SNX29: variants seen among roughly 807,000 people sequenced by gnomAD.
The protein encoded by SNX29 is sorting nexin-29.
In SNX29, 78 loss-of-function variants were observed where a neutral mutation model predicts 102.1. The observed-to-expected ratio is 0.76, with a 90% CI of 0.64 to 0.92. The LOEUF is 0.92. Ranked by LOEUF, SNX29 falls within the 40% of genes least tolerant of loss-of-function variation. SNX29 has a pLI of 0.00. For synonymous variants in SNX29, 580 were observed against 414.5 expected, an observed-to-expected ratio of 1.40 and a Z score of -4.85; for missense variants, 1,280 against 1,061.7, an observed-to-expected ratio of 1.21 and a Z score of -2.86.
chr16:12,287,309 A>G (rs2079631291), intron 15 of SNX29, among the ~76,000 whole-genome samples: 1 of 151,178 alleles, frequency 6.6e-6, no homozygotes, highest in South Asian at 2.1e-4. Context: ...TTACAAACAG[A>G]CTCCTTCCCT....
chr16:12,285,483 T>G (rs975525301), intron 15 of SNX29, among the ~76,000 whole-genome samples: 1 of 152,240 alleles, frequency 6.6e-6, no homozygotes, highest in Admixed American at 6.5e-5. Flanking sequence ...TTAGCAACAT[T>G]TGTTCTCATT....
intron 11 of SNX29, among the ~76,000 whole-genome samples, chr16:12,118,911 C>G (rs1260197930): frequency 6.6e-6 from 1 of 152,180 alleles, no homozygotes; most frequent in Admixed American, 6.5e-5. Flanking sequence ...TCCAACTCTA[C>G]ACTTCTGACA....
intron 16 of SNX29, among the ~76,000 whole-genome samples, chr16:12,357,612 AT>A (rs2082174493): frequency 6.6e-6 from 1 of 152,168 alleles, no homozygotes; most frequent in African/African-American, 2.4e-5. Flanking sequence ...ACGTTCACAC[AT>A]TTTGAGGCCA....
At chr16:12,385,827 A>C (rs1046723334) in intron 16 of SNX29, among the ~76,000 whole-genome samples, 1 of 152,204 alleles carries the variant, frequency 6.6e-6, no homozygotes, top group Admixed American at 6.5e-5. Context: ...GAAAGAATTT[A>C]TTGTTGGAAA....
chr16:12,549,700 G>A (rs1314474278), intron 20 of SNX29, among the ~76,000 whole-genome samples: 1 of 152,214 alleles, frequency 6.6e-6, no homozygotes, highest in Non-Finnish European at 1.5e-5. Context: ...CGCAGATGCT[G>A]CTTGGGGCCA....
chr16:12,531,737 G>A (rs1481272244), intron 20 of SNX29, among the ~76,000 whole-genome samples: 2 of 152,194 alleles, frequency 1.3e-5, no homozygotes, highest in Non-Finnish European at 2.9e-5. Context: ...CAGATGAGAT[G>A]AAAAGGAAGC....
intron 20 of SNX29, among the ~76,000 whole-genome samples, chr16:12,567,231 C>G (rs2079048887): frequency 6.6e-6 from 1 of 152,084 alleles, no homozygotes; most frequent in African/African-American, 2.4e-5. Flanking sequence ...TAAGGCAGAG[C>G]TAGCTGTGGA....
intron 8 of SNX29, among the ~76,000 whole-genome samples, chr16:12,058,329 C>T (rs144490839): frequency 8.6e-4 from 131 of 151,964 alleles, no homozygotes; most frequent in African/African-American, 3.1e-3. Context: ...TTTCAAATAA[C>T]GTGTGTTAAT....
chr16:12,089,127 A>G (rs1048812353), intron 11 of SNX29, among the ~76,000 whole-genome samples: 1 of 88,630 alleles, frequency 1.1e-5, no homozygotes, highest in Non-Finnish European at 2.4e-5. Context: ...AGAGAGAGAA[A>G]AGAGAGAGAG....
At chr16:12,518,113 G>C (rs1259295490) in intron 19 of SNX29, among the ~76,000 whole-genome samples, 1 of 152,216 alleles carries the variant, frequency 6.6e-6, no homozygotes, top group Non-Finnish European at 1.5e-5. Context: ...GAGGTGGACA[G>C]AGTTCATGGG....
intron 16 of SNX29, among the ~76,000 whole-genome samples, chr16:12,388,048 A>T (rs1233737030): frequency 6.6e-6 from 1 of 152,250 alleles, no homozygotes; most frequent in East Asian, 1.9e-4. Context: ...CAAATGGCCC[A>T]GTCATACACA....
chr16:12,391,176 G>C (rs1298003716), intron 16 of SNX29, among the ~76,000 whole-genome samples: 1 of 152,054 alleles, frequency 6.6e-6, no homozygotes, highest in East Asian at 1.9e-4. Context: ...AGACTCCTGG[G>C]CCCAAGCGAT....
intron 20 of SNX29, among the ~76,000 whole-genome samples, chr16:12,560,094 C>T (rs949737784): frequency 2.0e-5 from 3 of 151,844 alleles, no homozygotes; most frequent in Non-Finnish European, 4.4e-5. Context: ...TGGTTATCCA[C>T]AAAGGATGAG....
intron 16 of SNX29, among the ~76,000 whole-genome samples, chr16:12,373,304 A>T (rs890794286): frequency 6.6e-6 from 1 of 151,980 alleles, no homozygotes; most frequent in African/African-American, 2.4e-5. Flanking sequence ...GGCTAACTCA[A>T]ATTTTTATAG....
chr16:12,069,042 GCT>G lies in SNX29; in HGVS notation c.1244-8_1244-7del, dbSNP rs1444328891. 1.9e-6 allele frequency: 3 copies of G among 1,611,920 alleles called. No individual in the cohort carries two copies. Among genetic ancestry groups the G allele is most frequent in the African/African-American group, 2.7e-5 (2 of 74,836 alleles). On this transcript the variant is annotated splice_polypyrimidine_tract_variant and intron_variant, in intron 9 of 20. Coordinates refer to ENST00000566228, the MANE Select transcript of SNX29 (RefSeq NM_032167.5). Reference sequence around the variant, plus strand: ...AGAAAAGTGACCTCTTTCTGTGATTGCTCTCTCTGCACAGATGCCCCCCTCGG... The same window carrying G: ...AGAAAAGTGACCTCTTTCTGTGATTGCTCTCTGCACAGATGCCCCCCTCGG...
At chr16:12,539,187 CAT>C (rs2077212688) in intron 20 of SNX29, among the ~76,000 whole-genome samples, 1 of 152,192 alleles carries the variant, frequency 6.6e-6, no homozygotes, top group Non-Finnish European at 1.5e-5. Flanking sequence ...TAAACACATG[CAT>C]AGATTTGAGT....
At chr16:12,266,686 G>GAAAAAAAAAAAA (rs59509183) in intron 14 of SNX29, among the ~76,000 whole-genome samples, 1 of 130,956 alleles carries the variant, frequency 7.6e-6, no homozygotes. Context: ...ATCTATTATT[G>GAAAAAAAAAAAA]AAAAAAAAAA....
chr16:12,399,996 AGGCT>A (rs1597238957), intron 17 of SNX29, among the ~76,000 whole-genome samples: 1 of 152,162 alleles, frequency 6.6e-6, no homozygotes, highest in Non-Finnish European at 1.5e-5. Context: ...GTCCTGCTGC[AGGCT>A]GGTGTCCGGG....
chr16:12,013,602 AAT>A (rs1248237214), intron 3 of SNX29, among the ~76,000 whole-genome samples: 1 of 141,988 alleles, frequency 7.0e-6, no homozygotes, highest in African/African-American at 2.6e-5. Flanking sequence ...AATGAAAAGA[AAT>A]ATATATTGGT....
Sources: gnomAD v4.1 joint callset for allele counts (sites outside exome capture counted in the v4.1 genomes callset) on GRCh38, gnomAD v4.1.1 for gene constraint, MANE v1.5 for transcripts, NCBI Gene and HGNC (gene_info 2026-07-23, HGNC 2026-07-21) for gene names.